NCOA3: variants seen among roughly 807,000 people sequenced by gnomAD.
NCOA3 encodes the protein CBP-interacting protein.
Under a neutral mutation model 158.8 loss-of-function variants are expected in NCOA3, and 51 were observed. That is an observed-to-expected ratio of 0.32 (90% confidence interval 0.26 to 0.41). NCOA3 has a LOEUF of 0.41. Among genes scored for constraint, NCOA3 ranks in the 10% least tolerant of loss-of-function variants. The pLI, the probability that NCOA3 is intolerant of heterozygous loss-of-function variation, is 1.00. For missense variants in NCOA3, 1,510 were observed against 1,746.6 expected, an observed-to-expected ratio of 0.86 and a Z score of 2.41; for synonymous variants, 537 against 592.4, an observed-to-expected ratio of 0.91 and a Z score of 1.36.
chr20:47,528,436 A>G (rs1056846942), intron 1 of NCOA3, among the ~76,000 whole-genome samples: 1 of 152,200 alleles, frequency 6.6e-6, no homozygotes, highest in Non-Finnish European at 1.5e-5. Flanking sequence ...TCTGGTATAA[A>G]CCTAATGAAA....
At position 47,627,122 on chromosome 20, in the gene NCOA3, A is replaced by G. The variant is rs1300949817; in HGVS notation, c.478A>G (p.Ile160Val). 1 of 1,612,192 alleles carries G rather than the reference A, an allele frequency of 6.2e-7. No individual in the cohort carries two copies. Among genetic ancestry groups the G allele is most frequent in the South Asian group, 1.1e-5 (1 of 90,680 alleles). Residue 160 changes from isoleucine (I) to valine (V), a missense_variant, in exon 6 of 23, where the codon ATC becomes GTC. Physicochemically the swap from Ile to Val is conservative, Grantham distance 29. Around this residue, in one of 4 missense-constraint regions of NCOA3, gnomAD observed 309 missense variants for 427.1 expected, o/e 0.72. Transcript: ENST00000371998. Reference protein sequence around the residue: ...EDLVNTSVYNILHEEDRKDFL... With the variant: ...EDLVNTSVYNVLHEEDRKDFL... ...CCTGGTTAACACAAGTGTTTACAAT[A>G]TCTTACATGAAGAAGACAGAAAGGA...
intron 1 of NCOA3, among the ~76,000 whole-genome samples, chr20:47,507,897 G>A (rs1300104341): frequency 1.3e-5 from 2 of 152,110 alleles, no homozygotes; most frequent in African/African-American, 4.8e-5. Flanking sequence ...GGAATTACAG[G>A]TGTGAGCCAC....
chr20:47,562,909 A>G (rs183234764), intron 1 of NCOA3, among the ~76,000 whole-genome samples: 2 of 152,326 alleles, frequency 1.3e-5, no homozygotes, highest in East Asian at 3.9e-4. Context: ...TATGATTATT[A>G]AAAGTAATTT....
At chr20:47,623,887 C>G in intron 3 of NCOA3, 24 bp from the exon 4 acceptor site, 2 of 1,597,798 alleles carry the variant, frequency 1.3e-6, no homozygotes, top group Non-Finnish European at 1.7e-6. Context: ...CTCCTTTCCC[C>G]CCTTTCTACG....
intron 1 of NCOA3, among the ~76,000 whole-genome samples, chr20:47,554,153 T>C (rs1387543000): frequency 6.6e-6 from 1 of 152,264 alleles, no homozygotes; most frequent in Non-Finnish European, 1.5e-5. Flanking sequence ...TGGCCAGTGA[T>C]GACGAGCATT....
chr20:47,636,903 G>A, intron 12 of NCOA3, 141 bp downstream of exon 12: 2 of 792,228 alleles, frequency 2.5e-6, no homozygotes, highest in Non-Finnish European at 3.9e-6. Context: ...TATTTTGGAT[G>A]TCAGTAAAAT....
At chr20:47,614,693 A>G (rs944198426) in intron 2 of NCOA3, among the ~76,000 whole-genome samples, 1 of 152,102 alleles carries the variant, frequency 6.6e-6, no homozygotes, top group Non-Finnish European at 1.5e-5. Flanking sequence ...GTCGATCTCA[A>G]ATTTTCCTTT....
chr20:47,623,371 A>C (rs1277969635), intron 3 of NCOA3, among the ~76,000 whole-genome samples: 1 of 152,230 alleles, frequency 6.6e-6, no homozygotes, highest in Non-Finnish European at 1.5e-5. Context: ...ACTCTGCCCA[A>C]GGCCACCTAG....
chr20:47,653,801 A>G lies in NCOA3; in HGVS notation c.*384A>G, dbSNP rs893804066. The G allele has an allele frequency of 4.2e-6, 1 of 236,654 alleles. No individual in the cohort carries two copies. Among genetic ancestry groups the G allele is most frequent in the South Asian group, 1.2e-4 (1 of 8,220 alleles). 14.7% of individuals were successfully genotyped at this position (236,654 alleles called of 1,614,324 possible). On this transcript the variant is annotated 3_prime_UTR_variant, in exon 23 of 23. Coordinates refer to ENST00000371998, the MANE Select transcript of NCOA3 (RefSeq NM_181659.3). Reference sequence around the variant, plus strand: ...GGGCCAGAGAACATTGGAAGAATCAAGAGAGATTAGAATATCTGGTTTCTC... The same window carrying G: ...GGGCCAGAGAACATTGGAAGAATCAGGAGAGATTAGAATATCTGGTTTCTC...
At chr20:47,557,474 AAC>A (rs1162017879) in intron 1 of NCOA3, among the ~76,000 whole-genome samples, 2 of 152,208 alleles carry the variant, frequency 1.3e-5, no homozygotes, top group African/African-American at 4.8e-5. Context: ...AGTAAATGGT[AAC>A]ACACTGGGGT....
intron 8 of NCOA3, among the ~76,000 whole-genome samples, chr20:47,628,277 G>A (rs1050420503): frequency 6.6e-6 from 1 of 151,926 alleles, no homozygotes; most frequent in Non-Finnish European, 1.5e-5. Flanking sequence ...AAATTTAGGG[G>A]CACCTGGTTT....
chr20:47,514,475 C>T (rs764053418), intron 1 of NCOA3, among the ~76,000 whole-genome samples: 2 of 152,096 alleles, frequency 1.3e-5, no homozygotes, highest in East Asian at 1.9e-4. Context: ...GAAATCTCCA[C>T]CTCCCAGGTT....
At position 47,654,835 on chromosome 20, in the gene NCOA3, A is replaced by C. The variant is rs1038327388; in HGVS notation, c.*1418A>C. The C allele has an allele frequency of 6.6e-6, 1 of 151,612 alleles. No individual in the cohort carries two copies. Among genetic ancestry groups the C allele is most frequent in the South Asian group, 2.1e-4 (1 of 4,802 alleles). 9.4% of individuals were successfully genotyped at this position (151,612 alleles called of 1,614,324 possible). On this transcript the variant is annotated 3_prime_UTR_variant, in exon 23 of 23. Coordinates refer to ENST00000371998, the MANE Select transcript of NCOA3 (RefSeq NM_181659.3). ...TGGATTTTAAGCAGTCCGAAATAAT[A>C]GCAATTCATGGGCTGTGTGTGTGTG...
intron 2 of NCOA3, among the ~76,000 whole-genome samples, chr20:47,621,163 T>C (rs11908203): frequency 0.027 from 4,101 of 152,314 alleles, 216 homozygotes; most frequent in African/African-American, 0.094. Context: ...TTAATACATA[T>C]TTAGTGCATC....
chr20:47,577,962 A>C (rs1051592098), intron 1 of NCOA3, among the ~76,000 whole-genome samples: 1 of 152,154 alleles, frequency 6.6e-6, no homozygotes, highest in East Asian at 1.9e-4. Context: ...CTAGACATGC[A>C]TATGCTGTAA....
intron 1 of NCOA3, among the ~76,000 whole-genome samples, chr20:47,553,105 C>T (rs765386690): frequency 2.6e-5 from 4 of 151,768 alleles, no homozygotes; most frequent in Non-Finnish European, 4.4e-5. Context: ...AGCTAATTTT[C>T]GTATTTTTAT....
intron 2 of NCOA3, among the ~76,000 whole-genome samples, chr20:47,586,544 C>T (rs538273014): frequency 6.6e-6 from 1 of 152,268 alleles, no homozygotes; most frequent in South Asian, 2.1e-4. Context: ...ATCTATCGCC[C>T]ATATTCCAGT....
At chr20:47,649,739 T>C (rs2086751144) in intron 19 of NCOA3, among the ~76,000 whole-genome samples, 1 of 152,208 alleles carries the variant, frequency 6.6e-6, no homozygotes, top group Non-Finnish European at 1.5e-5. Flanking sequence ...TTATGCCTAC[T>C]TGGAAGTACT....
chr20:47,609,562 T>C (rs2086010723), intron 2 of NCOA3, among the ~76,000 whole-genome samples: 1 of 152,132 alleles, frequency 6.6e-6, no homozygotes, highest in Non-Finnish European at 1.5e-5. Flanking sequence ...ACCCCATCTC[T>C]ACTAAAATAC....
Sources: gnomAD v4.1 joint callset for allele counts (sites outside exome capture counted in the v4.1 genomes callset) on GRCh38, gnomAD v4.1.1 for gene constraint, gnomAD v4.1.1 regional missense constraint, MANE v1.5 for transcripts, NCBI Gene and HGNC (gene_info 2026-07-23, HGNC 2026-07-21) for gene names.